Variants in DIPK1C observed in about 807,000 individuals in gnomAD.
DIPK1C encodes the protein divergent protein kinase domain 1C, also known as familial non-conventional Alzheimer's dementia.
Under a neutral mutation model 28.0 loss-of-function variants are expected in DIPK1C, and 33 were observed. The observed-to-expected ratio is 1.18, with a 90% CI of 0.89 to 1.58. The LOEUF (loss-of-function observed/expected upper bound fraction) is 1.58, where lower values mean the gene tolerates loss of function less well. DIPK1C is among the 40% of genes most tolerant of loss of function. The pLI, the probability that DIPK1C is intolerant of heterozygous loss-of-function variation, is 0.00. For synonymous variants in DIPK1C, 255 were observed against 248.8 expected, an observed-to-expected ratio of 1.02 and a Z score of -0.23; for missense variants, 569 against 568.5, an observed-to-expected ratio of 1.00 and a Z score of -0.01.
rs950135685 is a variant in DIPK1C at position 74,435,304 on chromosome 18, G to A, written c.*1197C>T. ...TGACCCGTTGGTTTGTTGAGCACTC[G>A]TGGGTCACAGTTATGGGTAGAAACC... On this transcript the variant is annotated 3_prime_UTR_variant, in exon 4 of 4. Transcript: ENST00000343998. 1.3e-5 allele frequency: 2 copies of A among 152,186 alleles called. No homozygotes were observed. Among genetic ancestry groups the A allele is most frequent in the Admixed American group, 6.5e-5 (1 of 15,286 alleles). 9.4% of individuals were successfully genotyped at this position (152,186 alleles called of 1,614,324 possible).
chr18:74,456,767 C>G (rs1322789305), intron 1 of DIPK1C, among the ~76,000 whole-genome samples: 2 of 152,216 alleles, frequency 1.3e-5, no homozygotes, highest in Non-Finnish European at 2.9e-5. Context: ...AACTTTCTTC[C>G]GGAGCTCGGG....
upstream of DIPK1C, among the ~76,000 whole-genome samples, chr18:74,461,264 G>A (rs1209362928): frequency 1.3e-5 from 2 of 152,136 alleles, no homozygotes; most frequent in South Asian, 2.1e-4. Context: ...ACTCCTGCCT[G>A]TAGGATGAGA....
chr18:74,447,227 C>T lies in DIPK1C; in HGVS notation c.255G>A (p.Val85=). The change falls in exon 2 of 4, where the codon GTG becomes GTA. Residue 85 remains valine (V), a synonymous_variant. Coordinates refer to ENST00000343998, the MANE Select transcript of DIPK1C (RefSeq NM_001044369.3). The surrounding 1 kb of genome is among the most constrained non-coding windows in gnomAD (Gnocchi z 4.1). ...LAGDLCEDLC[V]AGELLFQRCL... is the part of the protein sequence containing the mutation. ...AGCGTTGGAACAGCAGCTCTCCCGC[C>T]ACACACAGGTCCTCGCAGAGGTCCC... is the stretch of plus-strand genomic sequence containing the variant. 1 of 1,549,560 alleles carries T rather than the reference C, an allele frequency of 6.5e-7. No individual in the cohort carries two copies. The highest frequency in any genetic ancestry group is 1.7e-4 in the Middle Eastern group (1 of 5,980).
At chr18:74,462,872 G>T (rs993617288), upstream of DIPK1C, among the ~76,000 whole-genome samples, 2 of 152,088 alleles carry the variant, frequency 1.3e-5, no homozygotes, top group Admixed American at 1.3e-4. Flanking sequence ...TTTTATTTTT[G>T]ATAGCTAGAA....
rs180784772 is a variant in DIPK1C, at chr18:74,446,016, C to T, written c.876+590G>A. The stretch of plus-strand genomic sequence containing the variant: ...CGCAGCTGCCTGGCCCCACGTGCCC[C>T]GTGGTGCGGTGACAGATATTTCTAC... On this transcript the variant is annotated intron_variant, in intron 2 of 3. Coordinates refer to ENST00000343998, the MANE Select transcript of DIPK1C (RefSeq NM_001044369.3). Among the ~76,000 whole-genome samples, 906 of 152,314 alleles carry T rather than the reference C, an allele frequency of 5.9e-3. 5 individuals are homozygous for T. Among genetic ancestry groups the T allele is most frequent in the Middle Eastern group, 0.017 (5 of 294 alleles).
intron 1 of DIPK1C, among the ~76,000 whole-genome samples, chr18:74,451,306 T>C (rs1017570853): frequency 4.6e-5 from 7 of 152,178 alleles, no homozygotes; most frequent in African/African-American, 1.4e-4. Context: ...AATGCCGTTT[T>C]GGGTGTCTCC....
chr18:74,438,294 G>A (rs796859846), intron 3 of DIPK1C, among the ~76,000 whole-genome samples: 12 of 152,284 alleles, frequency 7.9e-5, no homozygotes, highest in African/African-American at 2.9e-4. Flanking sequence ...CCCTATTGAT[G>A]GACTTGAGGT....
chr18:74,443,541 A>G (rs750260133), intron 2 of DIPK1C, among the ~76,000 whole-genome samples: 2 of 152,228 alleles, frequency 1.3e-5, no homozygotes, highest in Non-Finnish European at 2.9e-5. Flanking sequence ...CTAGAAGGCA[A>G]TGAAGTTTCT....
upstream of DIPK1C, among the ~76,000 whole-genome samples, chr18:74,458,488 G>A (rs553661342): frequency 5.3e-5 from 8 of 152,100 alleles, no homozygotes; most frequent in South Asian, 6.2e-4. Flanking sequence ...TTTGTTTTAT[G>A]GCTGGCTCGG....
intron 1 of DIPK1C, among the ~76,000 whole-genome samples, chr18:74,452,995 C>A (rs958299683): frequency 5.3e-5 from 8 of 152,210 alleles, no homozygotes; most frequent in Admixed American, 4.6e-4. Flanking sequence ...GTTAAAGTCT[C>A]ATTGCAGCTA....
At chr18:74,455,685 G>A (rs1408058576) in intron 1 of DIPK1C, among the ~76,000 whole-genome samples, 2 of 129,132 alleles carry the variant, frequency 1.5e-5, no homozygotes, top group Admixed American at 9.9e-5. Context: ...CCGAGATCAC[G>A]CCATTGCACT....
Position 74,436,652 on chromosome 18 carries a change from T to G in DIPK1C, c.1109A>C (p.Gln370Pro). 6.2e-7 allele frequency: 1 copy of G among 1,613,950 alleles called. No homozygotes were observed. Among genetic ancestry groups the G allele is most frequent in the South Asian group, 1.1e-5 (1 of 91,074 alleles). The change falls in exon 4 of 4, where the codon CAG becomes CCG. Residue 370 changes from glutamine (Q) to proline (P), a missense_variant. Transcript: ENST00000343998. ...CGCCTCCTGTAACTGCAGCTGAAGC[T>G]GGAAAGAGACCGCAGAGCTCTTGAG... ...APLKSSAVSF[Q>P]LQLQLQEAVQ...
At chr18:74,460,623 G>A (rs1265427267), upstream of DIPK1C, among the ~76,000 whole-genome samples, 1 of 152,226 alleles carries the variant, frequency 6.6e-6, no homozygotes, top group Non-Finnish European at 1.5e-5. Context: ...GGCCTCCGCC[G>A]CTCTGGTCTC....
chr18:74,444,963 G>C (rs1389794277), intron 2 of DIPK1C, among the ~76,000 whole-genome samples: 1 of 152,244 alleles, frequency 6.6e-6, no homozygotes, highest in South Asian at 2.1e-4. Context: ...GTAGGTAAAA[G>C]CATCTGATGT....
chr18:74,436,931 G>A (rs570928854), intron 3 of DIPK1C, among the ~76,000 whole-genome samples: 1 of 150,142 alleles, frequency 6.7e-6, no homozygotes, highest in East Asian at 2.0e-4. Context: ...AGACGCCTCC[G>A]AGAGGAGAAG....
At chr18:74,440,325 G>C (rs1282300566) in intron 3 of DIPK1C, among the ~76,000 whole-genome samples, 14 of 152,104 alleles carry the variant, frequency 9.2e-5, no homozygotes, top group Admixed American at 9.2e-4. Context: ...TTCTAGGACT[G>C]TATTCAAAGT....
chr18:74,461,345 T>TCCC, upstream of DIPK1C, among the ~76,000 whole-genome samples: 1 of 40,298 alleles, frequency 2.5e-5, no homozygotes, highest in East Asian at 6.8e-4. Flanking sequence ...CCTTCCTTCT[T>TCCC]TCCTTCCTTC....
At chr18:74,451,073 A>G (rs1283692864) in intron 1 of DIPK1C, among the ~76,000 whole-genome samples, 1 of 152,170 alleles carries the variant, frequency 6.6e-6, no homozygotes, top group African/African-American at 2.4e-5. Context: ...GGGCCGGGGC[A>G]TCTTCTTCCT....
At chr18:74,458,650 A>ATCAACAGCAGGGTTTGGGTGTCACTCAG (rs1568267629), upstream of DIPK1C, among the ~76,000 whole-genome samples, 6 of 152,088 alleles carry the variant, frequency 3.9e-5, no homozygotes, top group African/African-American at 7.2e-5. Flanking sequence ...GTGTCACTCA[A>ATCAACAGCAGGGTTTGGGTGTCACTCAG]TCAACAGCGG....
Sources: allele counts gnomAD v4.1 joint callset (sites outside exome capture counted in the v4.1 genomes callset), GRCh38; gene constraint gnomAD v4.1.1; non-coding constraint Gnocchi (gnomAD v3.1); transcripts MANE v1.5; gene names NCBI Gene and HGNC (gene_info 2026-07-23, HGNC 2026-07-21).